Variants in PDE3B observed in about 807,000 individuals in gnomAD.
PDE3B encodes the protein cGMP-inhibited 3',5'-cyclic phosphodiesterase 3B.
In PDE3B, 66 loss-of-function variants were observed where a neutral mutation model predicts 116.8. The observed-to-expected ratio is 0.56, with a 90% CI of 0.46 to 0.69. The LOEUF is 0.69. Ranked by LOEUF, PDE3B falls within the 30% of genes least tolerant of loss-of-function variation. The pLI is 0.00. For synonymous variants in PDE3B, 595 were observed against 533.6 expected (o/e 1.12, Z -1.59); for missense variants, 1,384 against 1,368.1 (o/e 1.01, Z -0.18).
At chr11:14,794,456 G>A (rs561927288) in intron 4 of PDE3B, among the ~76,000 whole-genome samples, 2 of 152,130 alleles carry the variant, frequency 1.3e-5, no homozygotes, top group South Asian at 4.2e-4. Flanking sequence ...TGGGACTACA[G>A]GCACATGCCA....
At chr11:14,736,190 C>T (rs1370761559) in intron 1 of PDE3B, among the ~76,000 whole-genome samples, 1 of 151,832 alleles carries the variant, frequency 6.6e-6, no homozygotes, top group Non-Finnish European at 1.5e-5. Flanking sequence ...TTGAGGGCGG[C>T]CTGGGAAGCA....
Position 14,789,652 on chromosome 11 carries a change from A to C in PDE3B, c.1415+410A>C, listed in dbSNP as rs189145308. On this transcript the variant is annotated intron_variant, in intron 4 of 15. Coordinates refer to ENST00000282096, the MANE Select transcript of PDE3B (RefSeq NM_000922.4). ...GAGGAGCACGTTTCCAAGGCTCATCACAATTGTTAGGTTTAAGGTAACCAG... is the reference window on the plus strand; with the variant it reads ...GAGGAGCACGTTTCCAAGGCTCATCCCAATTGTTAGGTTTAAGGTAACCAG... Among the ~76,000 whole-genome samples the C allele has an allele frequency of 3.3e-4, 50 of 152,170 alleles. 1 individual carries two copies. The East Asian group carries it at 8.7e-3, about 26-fold the overall frequency.
intron 1 of PDE3B, among the ~76,000 whole-genome samples, chr11:14,727,543 C>T (rs1856344505): frequency 6.6e-6 from 1 of 152,074 alleles, no homozygotes; most frequent in Non-Finnish European, 1.5e-5. Flanking sequence ...ACTAATATGC[C>T]TTTGGTGAAT....
intron 1 of PDE3B, among the ~76,000 whole-genome samples, chr11:14,691,563 T>A (rs1565094271): frequency 6.6e-6 from 1 of 152,152 alleles, no homozygotes; most frequent in African/African-American, 2.4e-5. Flanking sequence ...TATTATTATT[T>A]TTTCCATTTA....
At chr11:14,703,428 TA>T (rs1855431868) in intron 1 of PDE3B, among the ~76,000 whole-genome samples, 1 of 151,592 alleles carries the variant, frequency 6.6e-6, no homozygotes, top group South Asian at 2.1e-4. Context: ...TTTTTTTTTT[TA>T]ATACCAGGAA....
intron 1 of PDE3B, among the ~76,000 whole-genome samples, chr11:14,651,233 C>G (rs906300513): frequency 6.6e-6 from 1 of 152,186 alleles, no homozygotes; most frequent in Non-Finnish European, 1.5e-5. Flanking sequence ...TCTTCATCTT[C>G]GCATGGCATT....
rs191771684 is a variant in PDE3B, at chr11:14,826,697, A to C, written c.1808-4001A>C. ...GATGGATTCACAGCCACATCCTACC[A>C]GATGTACAAAGAAGAGCTGGTACTA... On this transcript the variant is annotated intron_variant, in intron 7 of 15. Transcript: ENST00000282096. Among the ~76,000 whole-genome samples, 522 of 152,328 alleles carry C rather than the reference A, an allele frequency of 3.4e-3. 8 individuals carry two copies. The highest frequency in any genetic ancestry group is 0.013 in the Admixed American group (206 of 15,302).
downstream of PDE3B, among the ~76,000 whole-genome samples, chr11:14,872,792 C>T (rs1295655719): frequency 1.3e-5 from 2 of 152,154 alleles, no homozygotes; most frequent in South Asian, 2.1e-4. Flanking sequence ...ACAAGGGTTA[C>T]GCATCCCACA....
chr11:14,773,017 G>T (rs567781020), intron 2 of PDE3B: 12 of 151,910 alleles, frequency 7.9e-5, no homozygotes, highest in African/African-American at 2.9e-4. Flanking sequence ...AATGGAAGTG[G>T]TATGAGTAGG....
At chr11:14,898,609 G>A in the PDE3B span, among the ~76,000 whole-genome samples, 7 of 152,118 alleles carry the variant, frequency 4.6e-5, no homozygotes, top group Non-Finnish European at 1.0e-4. Context: ...GGAAGTTGAG[G>A]TCCTGAGAGG....
At chr11:14,836,084 T>C (rs757468284) in intron 11 of PDE3B, among the ~76,000 whole-genome samples, 6 of 152,248 alleles carry the variant, frequency 3.9e-5, no homozygotes, top group Non-Finnish European at 8.8e-5. Flanking sequence ...ATGGATTTGC[T>C]TTATGTCACT....
intron 2 of PDE3B, among the ~76,000 whole-genome samples, chr11:14,779,145 C>A (rs1308703228): frequency 6.6e-6 from 1 of 152,092 alleles, no homozygotes; most frequent in East Asian, 1.9e-4. Flanking sequence ...ATGAGCAAAG[C>A]CTCCAAGAAA....
intron 11 of PDE3B, among the ~76,000 whole-genome samples, chr11:14,835,445 AT>A (rs60953633): frequency 0.13 from 19,666 of 150,692 alleles, 1,410 homozygotes; most frequent in African/African-American, 0.2. Flanking sequence ...TTTAAAAAAA[AT>A]TTTTTTTTTG....
At chr11:14,713,303 A>T (rs1010006398) in intron 1 of PDE3B, among the ~76,000 whole-genome samples, 1 of 152,176 alleles carries the variant, frequency 6.6e-6, no homozygotes, top group Non-Finnish European at 1.5e-5. Flanking sequence ...TTATGTGTGA[A>T]CCTCACTGGA....
At chr11:14,805,652 C>G (rs1161926388) in intron 5 of PDE3B, among the ~76,000 whole-genome samples, 1 of 152,024 alleles carries the variant, frequency 6.6e-6, no homozygotes, top group Non-Finnish European at 1.5e-5. Flanking sequence ...CAAACAAAAG[C>G]TGAAATAATT....
intron 1 of PDE3B, among the ~76,000 whole-genome samples, chr11:14,699,753 T>G (rs1018002911): frequency 6.6e-6 from 1 of 151,860 alleles, no homozygotes; most frequent in African/African-American, 2.4e-5. Flanking sequence ...AACATTTGGC[T>G]CCCTCTGAAA....
At chr11:14,795,027 C>G (rs1056109065) in intron 4 of PDE3B, among the ~76,000 whole-genome samples, 2 of 152,160 alleles carry the variant, frequency 1.3e-5, no homozygotes, top group African/African-American at 4.8e-5. Flanking sequence ...TTTGGCTATT[C>G]ACAAGCTCCT....
chr11:14,665,729 C>T (rs957757313), intron 1 of PDE3B, among the ~76,000 whole-genome samples: 8 of 152,114 alleles, frequency 5.3e-5, no homozygotes, highest in African/African-American at 1.9e-4. Flanking sequence ...TTACAAAGGA[C>T]ATGAAGGATC....
the PDE3B span, among the ~76,000 whole-genome samples, chr11:14,898,691 G>T: frequency 6.6e-6 from 1 of 152,108 alleles, no homozygotes; most frequent in Admixed American, 6.6e-5. Flanking sequence ...GACTCCTGGG[G>T]CTATGCTCTT....
Sources: allele counts gnomAD v4.1 joint callset (sites outside exome capture counted in the v4.1 genomes callset), GRCh38; gene constraint gnomAD v4.1.1; transcripts MANE v1.5; gene names NCBI Gene and HGNC (gene_info 2026-07-23, HGNC 2026-07-21).